Variants in ANO4 observed in about 807,000 individuals in gnomAD.
ANO4 encodes the protein anoctamin 4.
Under a neutral mutation model 141.9 loss-of-function variants are expected in ANO4, and 69 were observed. The observed-to-expected ratio is 0.49, with a 90% CI of 0.40 to 0.59. The LOEUF is 0.59. Ranked by LOEUF, ANO4 falls within the 20% of genes least tolerant of loss-of-function variation. The pLI is 0.00. For synonymous variants in ANO4, 350 were observed against 394.3 expected (o/e 0.89, Z 1.33); for missense variants, 894 against 1,162.2 (o/e 0.77, Z 3.36).
At chr12:100,719,031 C>A (rs2030740867) in intron 1 of ANO4, among the ~76,000 whole-genome samples, 1 of 151,986 alleles carries the variant, frequency 6.6e-6, no homozygotes, top group East Asian at 1.9e-4. Context: ...TAATTGAGCA[C>A]CCAGGTGGAG....
intron 1 of ANO4, among the ~76,000 whole-genome samples, chr12:100,853,099 T>A (rs1356985367): frequency 6.6e-6 from 1 of 152,172 alleles, no homozygotes; most frequent in African/African-American, 2.4e-5. Context: ...TCCCCTTTGA[T>A]GAGCTGCCTG....
intron 5 of ANO4, among the ~76,000 whole-genome samples, chr12:100,960,636 G>A (rs34141660): frequency 0.17 from 25,290 of 151,728 alleles, 2,420 homozygotes; most frequent in East Asian, 0.42. Context: ...AAAAAAGAAA[G>A]TATTTCCAAA....
chr12:101,054,902 G>A (rs473974), intron 14 of ANO4, among the ~76,000 whole-genome samples: 48,075 of 151,890 alleles, frequency 0.32, 7,830 homozygotes, highest in East Asian at 0.38. Context: ...ATTTCATGCA[G>A]ATTAAATTAT....
intron 1 of ANO4, among the ~76,000 whole-genome samples, chr12:100,852,781 A>C (rs1565937291): frequency 6.6e-6 from 1 of 152,206 alleles, no homozygotes. Context: ...AAAAATATAC[A>C]AATATACATG....
intron 1 of ANO4, among the ~76,000 whole-genome samples, chr12:100,725,432 C>T (rs1257216193): frequency 4.6e-5 from 7 of 151,250 alleles, no homozygotes; most frequent in African/African-American, 9.7e-5. Flanking sequence ...CTGCAAGCTC[C>T]GCCTTCCGGG....
intron 14 of ANO4, among the ~76,000 whole-genome samples, chr12:101,069,877 A>G (rs953626198): frequency 3.9e-5 from 6 of 152,190 alleles, no homozygotes; most frequent in African/African-American, 1.4e-4. Context: ...GGCCAGATCT[A>G]CATTAGGAAA....
intron 1 of ANO4, among the ~76,000 whole-genome samples, chr12:100,865,473 C>A (rs1288689512): frequency 6.6e-6 from 1 of 152,182 alleles, no homozygotes; most frequent in Non-Finnish European, 1.5e-5. Context: ...GAGAAAAAAA[C>A]AACCCCATCA....
At chr12:100,977,543 T>C (rs906800703) in intron 7 of ANO4, among the ~76,000 whole-genome samples, 16 of 152,104 alleles carry the variant, frequency 1.1e-4, no homozygotes, top group African/African-American at 3.4e-4. Flanking sequence ...AAAAAAAACC[T>C]AAGGGTCATT....
intron 22 of ANO4, among the ~76,000 whole-genome samples, chr12:101,107,030 G>A (rs927599549): frequency 3.3e-5 from 5 of 152,226 alleles, no homozygotes; most frequent in South Asian, 2.1e-4. Context: ...CTCATTAGGT[G>A]TCAGATAAAC....
chr12:100,949,423 A>T (rs1207754065), intron 5 of ANO4, among the ~76,000 whole-genome samples: 1 of 152,220 alleles, frequency 6.6e-6, no homozygotes, highest in African/African-American at 2.4e-5. Flanking sequence ...CTGCAAAATG[A>T]GGCTAATAAT....
intron 3 of ANO4, among the ~76,000 whole-genome samples, 163 bp from the exon 4 acceptor site, chr12:100,939,152 A>G (rs1193755308): frequency 6.6e-6 from 1 of 152,206 alleles, no homozygotes; most frequent in Non-Finnish European, 1.5e-5. Flanking sequence ...AACATGTTTT[A>G]TGTCTGACAT....
chr12:101,015,000 T>A (rs2046255562), intron 8 of ANO4, among the ~76,000 whole-genome samples: 1 of 151,476 alleles, frequency 6.6e-6, no homozygotes. Flanking sequence ...CAGCTAATTT[T>A]TTTTTTTGTA....
At chr12:101,035,210 A>C (rs2047146857) in intron 9 of ANO4, among the ~76,000 whole-genome samples, 1 of 152,224 alleles carries the variant, frequency 6.6e-6, no homozygotes, top group Admixed American at 6.6e-5. Flanking sequence ...ACTCAGCAAT[A>C]AAAAGAAATG....
chr12:100,751,928 A>C (rs2032401842), intron 3 of ANO4, among the ~76,000 whole-genome samples: 1 of 152,162 alleles, frequency 6.6e-6, no homozygotes, highest in African/African-American at 2.4e-5. Flanking sequence ...GCTGGTGAAG[A>C]TATAGTTGGA....
rs1482411584 is a variant in ANO4, at chr12:101,096,553, T to A, written c.1756T>A (p.Ser586Thr). 2 of 1,613,156 alleles carry A rather than the reference T, an allele frequency of 1.2e-6. No homozygotes were observed. The highest frequency in any genetic ancestry group is 2.2e-5 in the East Asian group (1 of 44,834). Residue 586 changes from serine (S) to threonine (T), a missense_variant, in exon 19 of 28, where the codon TCT becomes ACT. Transcript: ENST00000392977. ...LTNLEQPRTE[S>T]EWENSFTLKM... is the part of the protein sequence containing the mutation. ...GTCCACAGAACAGCCTCGCACAGAG[T>A]CTGAGTGGGAGAACAGCTTCACCCT...
chr12:101,118,894 T>G (rs2050965975), intron 25 of ANO4, among the ~76,000 whole-genome samples: 1 of 119,384 alleles, frequency 8.4e-6, no homozygotes. Context: ...CAGGCCCCGG[T>G]GTGTGATGTT....
At chr12:100,842,091 G>T (rs1419769557) in intron 1 of ANO4, 1 of 109,436 alleles carries the variant, frequency 9.1e-6, no homozygotes, top group Non-Finnish European at 1.8e-5. Context: ...GAAAGCCAAG[G>T]ACAATAATAT....
chr12:100,906,853 T>G (rs2040866370), intron 2 of ANO4, among the ~76,000 whole-genome samples: 1 of 152,096 alleles, frequency 6.6e-6, no homozygotes, highest in South Asian at 2.1e-4. Context: ...TTCAGATGCG[T>G]TGGTGCCAGG....
At chr12:100,768,048 C>T (rs907314024) in intron 3 of ANO4, among the ~76,000 whole-genome samples, 5 of 152,076 alleles carry the variant, frequency 3.3e-5, no homozygotes, top group African/African-American at 1.2e-4. Flanking sequence ...TGGGGGCTGA[C>T]CTGGCACTGG....
Sources: gnomAD v4.1 joint callset for allele counts (sites outside exome capture counted in the v4.1 genomes callset) on GRCh38, gnomAD v4.1.1 for gene constraint, MANE v1.5 for transcripts, NCBI Gene and HGNC (gene_info 2026-07-23, HGNC 2026-07-21) for gene names.